ESCO1: variants seen among roughly 807,000 people sequenced by gnomAD.
The protein encoded by ESCO1 is establishment of sister chromatid cohesion N-acetyltransferase 1, also known as N-acetyltransferase ESCO1.
ESCO1 carries 33 observed loss-of-function variants against 83.5 expected under a neutral mutation model. The observed-to-expected ratio is 0.40, with a 90% CI of 0.30 to 0.53. ESCO1 has a LOEUF of 0.53. Ranked by LOEUF, ESCO1 falls within the 20% of genes least tolerant of loss-of-function variation. The pLI, the probability that ESCO1 is intolerant of heterozygous loss-of-function variation, is 0.63. For synonymous variants in ESCO1, 332 were observed against 324.3 expected (o/e 1.02, Z -0.25); for missense variants, 855 against 968.0 (o/e 0.88, Z 1.55).
At position 21,574,902 on chromosome 18, in the gene ESCO1, G is replaced by A. The variant is rs2146212535; in HGVS notation, c.-59C>T. 1 of 1,335,858 alleles carries A rather than the reference G, an allele frequency of 7.5e-7. No homozygotes were observed. Among genetic ancestry groups the A allele is most frequent in the Non-Finnish European group, 1.0e-6 (1 of 992,178 alleles). The allele number at this position is 1,335,858 out of a possible 1,614,324, so 82.8% of individuals were successfully genotyped here. On this transcript the variant is annotated 5_prime_UTR_variant, in exon 4 of 12. Transcript: ENST00000269214. ...TGAAGAGGATTTTTGTGTCCTGGTA[G>A]GCGTGAATGCTGACTAGCTAGTATT...
chr18:21,596,598 C>T (rs1439089438), intron 1 of ESCO1, among the ~76,000 whole-genome samples: 2 of 151,928 alleles, frequency 1.3e-5, no homozygotes, highest in Non-Finnish European at 2.9e-5. Context: ...TTTGGGAGGC[C>T]GAGGTAGGGG....
chr18:21,536,415 C>T (rs1164636880), intron 9 of ESCO1, among the ~76,000 whole-genome samples: 5 of 151,934 alleles, frequency 3.3e-5, no homozygotes, highest in African/African-American at 1.2e-4. Context: ...CATGGTGAAA[C>T]CCTGTCTCTA....
At chr18:21,566,913 A>G (rs2038269824) in intron 5 of ESCO1, among the ~76,000 whole-genome samples, 1 of 152,130 alleles carries the variant, frequency 6.6e-6, no homozygotes, top group Admixed American at 6.6e-5. Context: ...TAAAGGCAAT[A>G]AGCAATTCAT....
At chr18:21,562,775 A>C (rs904234212) in intron 7 of ESCO1, among the ~76,000 whole-genome samples, 2 of 152,102 alleles carry the variant, frequency 1.3e-5, no homozygotes, top group African/African-American at 4.8e-5. Flanking sequence ...CCTGTTTTCC[A>C]ATTTATCTTC....
chr18:21,543,787 T>C (rs1235391869), intron 8 of ESCO1, among the ~76,000 whole-genome samples: 2 of 151,972 alleles, frequency 1.3e-5, no homozygotes, highest in African/African-American at 2.4e-5. Context: ...AGGGAGAACT[T>C]TGGGATTAAA....
chr18:21,534,056 C>T (rs1235081071), intron 10 of ESCO1, among the ~76,000 whole-genome samples: 1 of 152,184 alleles, frequency 6.6e-6, no homozygotes, highest in African/African-American at 2.4e-5. Context: ...GCTGGGACTA[C>T]AGGTGCCACC....
At chr18:21,587,077 G>A (rs749447542) in intron 1 of ESCO1, among the ~76,000 whole-genome samples, 6 of 152,178 alleles carry the variant, frequency 3.9e-5, no homozygotes, top group African/African-American at 9.7e-5. Flanking sequence ...GTGCACTGCA[G>A]GGATAAATGC....
chr18:21,577,361 TAAA>T (rs1555671990), intron 2 of ESCO1, among the ~76,000 whole-genome samples: 119 of 52,958 alleles, frequency 2.2e-3, no homozygotes, highest in African/African-American at 8.3e-3. Context: ...CCATCTTTTT[TAAA>T]AAAAAAAAAA....
chr18:21,580,968 C>A (rs1204044891), intron 2 of ESCO1, among the ~76,000 whole-genome samples: 1 of 152,010 alleles, frequency 6.6e-6, no homozygotes, highest in Non-Finnish European at 1.5e-5. Flanking sequence ...CCAGCCTGGG[C>A]AACAAGAGCA....
intron 10 of ESCO1, among the ~76,000 whole-genome samples, chr18:21,533,583 T>C (rs2037795451): frequency 6.6e-6 from 1 of 152,098 alleles, no homozygotes; most frequent in African/African-American, 2.4e-5. Flanking sequence ...GGACAAGATA[T>C]AAAACTTAAA....
Position 21,573,412 on chromosome 18 carries a change from T to A in ESCO1, c.1432A>T (p.Arg478Trp). The part of the protein sequence containing the change: ...ITVEINKTTE[R>W]APENCHLANE... ...GCCAAATGACAATTTTCAGGAGCCC[T>A]TTCTGTGGTTTTATTAATTTCTACT... The change falls in exon 4 of 12, where the codon AGG (arginine) becomes TGG (tryptophan). Residue 478 changes from arginine to tryptophan, a missense_variant. Transcript: ENST00000269214. 6.2e-7 allele frequency: 1 copy of A among 1,611,966 alleles called. No homozygotes were observed. The highest frequency in any genetic ancestry group is 8.5e-7 in the Non-Finnish European group (1 of 1,179,580).
At chr18:21,585,670 C>T (rs935385913) in intron 1 of ESCO1, among the ~76,000 whole-genome samples, 1 of 152,086 alleles carries the variant, frequency 6.6e-6, no homozygotes, top group East Asian at 1.9e-4. Context: ...GTTGCCCAGG[C>T]AAGTCTCAAA....
intron 8 of ESCO1, among the ~76,000 whole-genome samples, chr18:21,543,546 ACT>A (rs1296403967): frequency 6.6e-6 from 1 of 152,238 alleles, no homozygotes; most frequent in Non-Finnish European, 1.5e-5. Flanking sequence ...AACAAAATAC[ACT>A]GAGTGGTAAA....
chr18:21,536,827 C>G (rs1350286198), intron 9 of ESCO1, among the ~76,000 whole-genome samples: 1 of 152,038 alleles, frequency 6.6e-6, no homozygotes, highest in Non-Finnish European at 1.5e-5. Flanking sequence ...GCAATCTTAG[C>G]CAGGCAAGCC....
At chr18:21,582,575 A>G (rs2038517340) in intron 2 of ESCO1, among the ~76,000 whole-genome samples, 1 of 152,192 alleles carries the variant, frequency 6.6e-6, no homozygotes, top group South Asian at 2.1e-4. Context: ...TTAACTTTTA[A>G]GCCTTGTCAC....
intron 8 of ESCO1, among the ~76,000 whole-genome samples, chr18:21,558,425 C>A (rs1218364187): frequency 1.3e-5 from 2 of 151,984 alleles, no homozygotes; most frequent in Admixed American, 6.6e-5. Flanking sequence ...ATATTTTCTA[C>A]AGAATGTTTG....
rs2038485544 is a variant in ESCO1, at chr18:21,580,338, G to A, written c.-694+3972C>T. ...GGGGGAAAAATCCTGACTACATACA[G>A]ATGATTAAGATCAGAATTACAACAA... On this transcript the variant is annotated intron_variant, in intron 2 of 11. Coordinates refer to ENST00000269214, the MANE Select transcript of ESCO1 (RefSeq NM_052911.3). Among the ~76,000 whole-genome samples, 3 of 152,156 alleles carry A rather than the reference G, an allele frequency of 2.0e-5. No individual in the cohort carries two copies. The South Asian group carries it at 6.2e-4, about 32-fold the overall frequency.
In ESCO1 at chr18:21,535,564, A is replaced by G. The variant is rs1287738868; in HGVS notation, c.2187+478T>C. Among the ~76,000 whole-genome samples, 3 of 152,012 alleles carry G rather than the reference A, an allele frequency of 2.0e-5. No individual in the cohort carries two copies. The East Asian group carries it at 5.8e-4, about 29-fold the overall frequency. On this transcript the variant is annotated intron_variant, in intron 10 of 11. Transcript: ENST00000269214. ...TGCCAGGCTCATTTTTTGTATTTTC[A>G]GTAGAGAAAGGGTTTCACCGTATTA...
chr18:21,532,078 A>G (rs1308864353), intron 11 of ESCO1, among the ~76,000 whole-genome samples: 1 of 152,124 alleles, frequency 6.6e-6, no homozygotes, highest in African/African-American at 2.4e-5. Flanking sequence ...AGAGATTTTG[A>G]TAGTTTACAA....
Sources: allele counts gnomAD v4.1 joint callset (sites outside exome capture counted in the v4.1 genomes callset), GRCh38; gene constraint gnomAD v4.1.1; transcripts MANE v1.5; gene names NCBI Gene and HGNC (gene_info 2026-07-23, HGNC 2026-07-21).